The following RCOR1 variants were observed in gnomAD, a reference collection of about 807,000 sequenced individuals.
RCOR1 encodes REST corepressor 1.
RCOR1 carries 12 observed loss-of-function variants against 64.0 expected under a neutral mutation model. That is an observed-to-expected ratio of 0.19 (90% CI 0.12 to 0.30). The LOEUF (loss-of-function observed/expected upper bound fraction) is 0.30, where lower values mean the gene tolerates loss of function less well. Among genes scored for constraint, RCOR1 ranks in the 10% least tolerant of loss-of-function variants. The pLI is 1.00. For synonymous variants in RCOR1, 279 were observed against 227.2 expected (o/e 1.23, Z -2.05); for missense variants, 502 against 621.2 (o/e 0.81, Z 2.04).
chr14:102,657,154 G>A (rs2139936157), intron 2 of RCOR1: 2 of 964,018 alleles, frequency 2.1e-6, no homozygotes, highest in South Asian at 9.6e-5. Context: ...AAACACATAG[G>A]GTAGAAACTC....
chr14:102,648,026 G>C (rs1894511169), intron 2 of RCOR1, among the ~76,000 whole-genome samples: 1 of 152,174 alleles, frequency 6.6e-6, no homozygotes, highest in South Asian at 2.1e-4. Context: ...TGGCCAATGG[G>C]ATTTCCTTCA....
chr14:102,623,904 A>G (rs781433544), intron 2 of RCOR1, among the ~76,000 whole-genome samples: 1 of 151,464 alleles, frequency 6.6e-6, no homozygotes, highest in Non-Finnish European at 1.5e-5. Flanking sequence ...AAAAAAATAC[A>G]AAACATTAGC....
chr14:102,682,014 G>T, intron 3 of RCOR1, 36 bp downstream of exon 3: 1 of 1,463,504 alleles, frequency 6.8e-7, no homozygotes, highest in Non-Finnish European at 9.6e-7. Flanking sequence ...CACCTTTCTT[G>T]TTTAATGTAA....
At chr14:102,593,215 G>T (rs775045105) in intron 1 of RCOR1, 28 bp downstream of exon 1, 2 of 1,477,612 alleles carry the variant, frequency 1.4e-6, no homozygotes, top group South Asian at 2.7e-5. Context: ...CCGCGGCCCC[G>T]GGCCCCGCGC....
chr14:102,701,099 T>G (rs1382267605), intron 3 of RCOR1, among the ~76,000 whole-genome samples, 179 bp from the exon 4 acceptor site: 1 of 152,194 alleles, frequency 6.6e-6, no homozygotes, highest in Non-Finnish European at 1.5e-5. Flanking sequence ...TTACCTCCAG[T>G]TGGGTCCCTC....
intron 7 of RCOR1, among the ~76,000 whole-genome samples, chr14:102,711,749 A>G (rs935974441): frequency 2.6e-5 from 4 of 152,318 alleles, no homozygotes; most frequent in Middle Eastern, 3.4e-3. Context: ...AAATTTATCT[A>G]AACTTTAAAA....
At chr14:102,706,321 T>C (rs1020474786) in intron 4 of RCOR1, among the ~76,000 whole-genome samples, 3 of 152,030 alleles carry the variant, frequency 2.0e-5, no homozygotes, top group Non-Finnish European at 2.9e-5. Context: ...TCCCAGTATA[T>C]ACAAGAGATT....
intron 3 of RCOR1, among the ~76,000 whole-genome samples, chr14:102,693,451 T>G (rs1455647089): frequency 6.6e-6 from 1 of 152,220 alleles, no homozygotes; most frequent in African/African-American, 2.4e-5. Context: ...TTGAAAGCTC[T>G]TAAATAACTT....
intron 2 of RCOR1, among the ~76,000 whole-genome samples, chr14:102,667,519 GATA>G (rs1180532761): frequency 6.6e-6 from 1 of 151,670 alleles, no homozygotes; most frequent in Non-Finnish European, 1.5e-5. Context: ...TAATAATAAT[GATA>G]ATAATAAAAA....
At chr14:102,719,251 C>T (rs1896128019) in intron 8 of RCOR1, among the ~76,000 whole-genome samples, 1 of 152,122 alleles carries the variant, frequency 6.6e-6, no homozygotes, top group Non-Finnish European at 1.5e-5. Flanking sequence ...TCTTCTTCTT[C>T]TTCTTTTTTT....
intron 5 of RCOR1, 68 bp from the exon 6 acceptor site, chr14:102,708,397 G>T (rs1595240631): frequency 2.1e-6 from 2 of 948,532 alleles, no homozygotes; most frequent in Admixed American, 3.5e-5. Flanking sequence ...GCTGCGCCCG[G>T]CCTTAAACAT....
intron 2 of RCOR1, among the ~76,000 whole-genome samples, chr14:102,636,559 G>A (rs1894242114): frequency 2.0e-5 from 3 of 152,018 alleles, no homozygotes; most frequent in Non-Finnish European, 4.4e-5. Context: ...TGAGAATACA[G>A]GTGTGAGCCA....
At chr14:102,646,183 A>C (rs185716692) in intron 2 of RCOR1, among the ~76,000 whole-genome samples, 8 of 152,332 alleles carry the variant, frequency 5.3e-5, no homozygotes, top group Admixed American at 4.6e-4. Flanking sequence ...CATAGCTCTT[A>C]GTGAAACAGT....
chr14:102,704,498 C>T (rs1035066259), intron 4 of RCOR1, among the ~76,000 whole-genome samples: 1 of 152,228 alleles, frequency 6.6e-6, no homozygotes, highest in African/African-American at 2.4e-5. Flanking sequence ...ATGGTGCGAT[C>T]TCAGCTCACT....
At chr14:102,610,421 T>C (rs1893605317) in intron 2 of RCOR1, among the ~76,000 whole-genome samples, 1 of 152,144 alleles carries the variant, frequency 6.6e-6, no homozygotes, top group South Asian at 2.1e-4. Context: ...ATTTTAGATA[T>C]TCAGCCATCA....
At chr14:102,611,722 CTGTGT>C (rs1362482977) in intron 2 of RCOR1, among the ~76,000 whole-genome samples, 1 of 152,166 alleles carries the variant, frequency 6.6e-6, no homozygotes, top group Non-Finnish European at 1.5e-5. Flanking sequence ...TTTGGGGATT[CTGTGT>C]GATAGCCCAT....
chr14:102,631,865 A>T (rs35451705), intron 2 of RCOR1, among the ~76,000 whole-genome samples: 1 of 151,812 alleles, frequency 6.6e-6, no homozygotes, highest in Non-Finnish European at 1.5e-5. Context: ...CGGTGGCGCG[A>T]TCTCGTCTCA....
intron 3 of RCOR1, among the ~76,000 whole-genome samples, chr14:102,696,489 A>G (rs575273838): frequency 8.5e-5 from 13 of 152,198 alleles, no homozygotes; most frequent in African/African-American, 2.9e-4. Context: ...CGCACCCTGT[A>G]CACTGGGGAA....
intron 2 of RCOR1, among the ~76,000 whole-genome samples, chr14:102,610,760 T>C (rs950169032): frequency 2.6e-5 from 4 of 151,964 alleles, no homozygotes; most frequent in Non-Finnish European, 5.9e-5. Context: ...TTCACCGTAT[T>C]AGCCAGGATG....
Sources: allele counts gnomAD v4.1 joint callset (sites outside exome capture counted in the v4.1 genomes callset), GRCh38; gene constraint gnomAD v4.1.1; transcripts MANE v1.5; gene names NCBI Gene and HGNC (gene_info 2026-07-23, HGNC 2026-07-21).